OLFM2: variants seen among roughly 807,000 people sequenced by gnomAD.
OLFM2 encodes olfactomedin 2.
Under a neutral mutation model 43.9 loss-of-function variants are expected in OLFM2, and 20 were observed. That is an observed-to-expected ratio of 0.46 (90% CI 0.32 to 0.66). The LOEUF (loss-of-function observed/expected upper bound fraction) is 0.66, where lower values mean the gene tolerates loss of function less well. OLFM2 is among the 30% of genes least tolerant of loss of function. The pLI is 0.04. For missense variants in OLFM2, 416 were observed against 643.6 expected (o/e 0.65, Z 3.83); for synonymous variants, 268 against 278.6 (o/e 0.96, Z 0.38).
At chr19:9,874,228 T>C (rs979511645) in intron 1 of OLFM2, among the ~76,000 whole-genome samples, 1 of 152,246 alleles carries the variant, frequency 6.6e-6, no homozygotes, top group South Asian at 2.1e-4. Context: ...ATCACATGTC[T>C]TTAGACTTAT....
intron 1 of OLFM2, among the ~76,000 whole-genome samples, chr19:9,923,835 C>G (rs1308952432): frequency 3.3e-5 from 5 of 151,762 alleles, no homozygotes; most frequent in Non-Finnish European, 5.9e-5. Context: ...CGTGGTGCCT[C>G]ACGCCTGTAA....
rs527638187 is a variant in OLFM2 at position 9,888,954 on chromosome 19, T to C, written c.64-28160A>G. Among the ~76,000 whole-genome samples the C allele has an allele frequency of 3.3e-5, 5 of 152,002 alleles. No individual in the cohort carries two copies. In the South Asian group the frequency reaches 1.0e-3, roughly 32 times the overall value. On this transcript the variant is annotated intron_variant, in intron 1 of 5. Transcript: ENST00000264833. Reference sequence around the variant, plus strand: ...GGTGGCGGGTGCCTGTAGTCCCAGCTACTTGGGAGGCTGAGGCAGGAGAAT... The same window carrying C: ...GGTGGCGGGTGCCTGTAGTCCCAGCCACTTGGGAGGCTGAGGCAGGAGAAT...
At chr19:9,921,738 G>A (rs557759937) in intron 1 of OLFM2, among the ~76,000 whole-genome samples, 7 of 151,956 alleles carry the variant, frequency 4.6e-5, no homozygotes, top group Admixed American at 2.0e-4. Flanking sequence ...GCCCACCTCG[G>A]CCTCCCAAAA....
intron 1 of OLFM2, among the ~76,000 whole-genome samples, chr19:9,864,260 A>G (rs2046384242): frequency 6.6e-6 from 1 of 152,210 alleles, no homozygotes; most frequent in Non-Finnish European, 1.5e-5. Flanking sequence ...TGTCCACAGC[A>G]GCAACCTGCT....
At chr19:9,926,698 G>A (rs1281905026) in intron 1 of OLFM2, among the ~76,000 whole-genome samples, 1 of 152,050 alleles carries the variant, frequency 6.6e-6, no homozygotes, top group East Asian at 1.9e-4. Flanking sequence ...CTAAATTCTA[G>A]GCCAAGTGCA....
chr19:9,854,329 C>T lies in OLFM2; in HGVS notation c.1222G>A (p.Val408Met), dbSNP rs746931227. The T allele has an allele frequency of 2.5e-6, 4 of 1,614,018 alleles. No individual in the cohort carries two copies. Among genetic ancestry groups the T allele is most frequent in the Admixed American group, 3.3e-5 (2 of 59,986 alleles). The change falls in exon 6 of 6, where the codon GTG becomes ATG. Residue 408 changes from valine to methionine, a missense_variant. Physicochemically the swap from Val to Met is conservative, Grantham distance 21 (BLOSUM62 1). Transcript: ENST00000264833. This position sits in a 1 kb window ranked among gnomAD's most constrained non-coding sequence, Gnocchi z 9.5. The stretch of plus-strand genomic sequence containing the variant: ...TGGGAATACTGGTTGTGGAAGGGCA[C>T]GTCCGTGTACTCGTAACTGGACGTG... ...TNTSSYEYTD[V>M]PFHNQYSHIS... is the part of the protein sequence containing the mutation.
At chr19:9,890,440 C>T (rs1248403043) in intron 1 of OLFM2, among the ~76,000 whole-genome samples, 1 of 152,118 alleles carries the variant, frequency 6.6e-6, no homozygotes, top group African/African-American at 2.4e-5. Context: ...AATGGGTGCC[C>T]GTGAGAAGGA....
chr19:9,859,305 T>TTTATTTA (rs2046348506), intron 2 of OLFM2, among the ~76,000 whole-genome samples: 2 of 150,138 alleles, frequency 1.3e-5, no homozygotes, highest in Non-Finnish European at 3.0e-5. Flanking sequence ...AATTTGTAAG[T>TTTATTTA]TTTATTTATT....
intron 1 of OLFM2, among the ~76,000 whole-genome samples, chr19:9,874,141 A>C (rs1174432255): frequency 6.6e-6 from 1 of 152,084 alleles, no homozygotes; most frequent in Non-Finnish European, 1.5e-5. Flanking sequence ...ACTTTATTCA[A>C]ATTCCCCAGT....
At chr19:9,873,362 C>T (rs2046458962) in intron 1 of OLFM2, among the ~76,000 whole-genome samples, 1 of 152,162 alleles carries the variant, frequency 6.6e-6, no homozygotes, top group Non-Finnish European at 1.5e-5. Flanking sequence ...CCATGTTGCC[C>T]AGGCTGGTCT....
intron 1 of OLFM2, among the ~76,000 whole-genome samples, chr19:9,897,485 G>A (rs2046696718): frequency 1.3e-5 from 2 of 152,108 alleles, no homozygotes; most frequent in African/African-American, 2.4e-5. Flanking sequence ...ACGACAGAAT[G>A]AGACTCTGTC....
intron 1 of OLFM2, among the ~76,000 whole-genome samples, chr19:9,861,350 G>A (rs1599466279): frequency 6.6e-6 from 1 of 151,680 alleles, no homozygotes; most frequent in South Asian, 2.1e-4. Flanking sequence ...CTCCAGCCTG[G>A]GTAACAGAGT....
intron 1 of OLFM2, among the ~76,000 whole-genome samples, chr19:9,928,260 G>A (rs2086464587): frequency 6.6e-6 from 1 of 151,782 alleles, no homozygotes; most frequent in Non-Finnish European, 1.5e-5. Flanking sequence ...GGCTCACCAT[G>A]TGCTCATCAT....
chr19:9,853,833 G>A lies in OLFM2; in HGVS notation c.*353C>T. On this transcript the variant is annotated 3_prime_UTR_variant, in exon 6 of 6. Coordinates refer to ENST00000264833, the MANE Select transcript of OLFM2 (RefSeq NM_058164.4). ...GGTGGGGGTGGGGGTGGGAGTGAGG[G>A]ATGAGGAATGGGTGGGAAGCAAGGA... The A allele has an allele frequency of 2.3e-6, 1 of 441,568 alleles. No individual in the cohort carries two copies. The highest frequency in any genetic ancestry group is 3.9e-6 in the Non-Finnish European group (1 of 254,436). The allele number at this position is 441,568 out of a possible 1,614,324, so 27.4% of individuals were successfully genotyped here.
At chr19:9,900,150 G>A (rs2046719065) in intron 1 of OLFM2, among the ~76,000 whole-genome samples, 1 of 152,074 alleles carries the variant, frequency 6.6e-6, no homozygotes, top group African/African-American at 2.4e-5. Context: ...CCGGTTAGGA[G>A]GCTTTCAATT....
intron 1 of OLFM2, among the ~76,000 whole-genome samples, chr19:9,900,334 A>C (rs1056461010): frequency 6.6e-6 from 1 of 152,090 alleles, no homozygotes; most frequent in Non-Finnish European, 1.5e-5. Context: ...AGAGAAACTG[A>C]CGGAGCTGCA....
chr19:9,859,791 G>A (rs562088646), intron 2 of OLFM2, among the ~76,000 whole-genome samples: 5 of 152,262 alleles, frequency 3.3e-5, no homozygotes, highest in Non-Finnish European at 5.9e-5. Flanking sequence ...TGCCCCTCCA[G>A]TCTTCCTTCC....
At chr19:9,923,838 G>A (rs1043661706) in intron 1 of OLFM2, among the ~76,000 whole-genome samples, 33 of 151,754 alleles carry the variant, frequency 2.2e-4, no homozygotes, top group African/African-American at 5.1e-4. Flanking sequence ...GGTGCCTCAC[G>A]CCTGTAATCC....
Position 9,856,708 on chromosome 19 carries a change from A to G in OLFM2, c.687+99T>C. 1 of 964,946 alleles carries G rather than the reference A, an allele frequency of 1.0e-6. No individual in the cohort carries two copies. Among genetic ancestry groups the G allele is most frequent in the Non-Finnish European group, 1.6e-6 (1 of 626,402 alleles). 59.8% of individuals were successfully genotyped at this position (964,946 alleles called of 1,614,324 possible). Reference sequence around the variant, plus strand: ...TGGGGGATCCAGGACACTTTGGGCTACAAGACAGTCACCAGTGTGGACTCC... The same window carrying G: ...TGGGGGATCCAGGACACTTTGGGCTGCAAGACAGTCACCAGTGTGGACTCC... On this transcript the variant is annotated intron_variant, in intron 5 of 5. Transcript: ENST00000264833. This position sits in a 1 kb window ranked among gnomAD's most constrained non-coding sequence, Gnocchi z 4.0.
Sources: gnomAD v4.1 joint callset for allele counts (sites outside exome capture counted in the v4.1 genomes callset) on GRCh38, gnomAD v4.1.1 for gene constraint, Gnocchi (gnomAD v3.1) non-coding constraint, MANE v1.5 for transcripts, NCBI Gene and HGNC (gene_info 2026-07-23, HGNC 2026-07-21) for gene names.